GSE1: variants seen among roughly 807,000 people sequenced by gnomAD.
GSE1 encodes the protein genetic suppressor element 1.
In GSE1, 32 loss-of-function variants were observed where a neutral mutation model predicts 112.6. The observed-to-expected ratio is 0.28, with a 90% CI of 0.21 to 0.38. The LOEUF (loss-of-function observed/expected upper bound fraction) is 0.38, where lower values mean the gene tolerates loss of function less well. Among genes scored for constraint, GSE1 ranks in the 10% least tolerant of loss-of-function variants. The pLI, the probability that GSE1 is intolerant of heterozygous loss-of-function variation, is 1.00. For missense variants in GSE1, 2,348 were observed against 1,699.2 expected, an observed-to-expected ratio of 1.38 and a Z score of -6.71; for synonymous variants, 1,115 against 735.6, an observed-to-expected ratio of 1.52 and a Z score of -8.35.
In GSE1 at chr16:85,666,218, C is replaced by A; in HGVS notation, c.3001C>A (p.Pro1001Thr). 6.2e-7 allele frequency: 1 copy of A among 1,613,738 alleles called. No homozygotes were observed. Among genetic ancestry groups the A allele is most frequent in the Non-Finnish European group, 8.5e-7 (1 of 1,180,052 alleles). The change falls in exon 13 of 16, where the codon CCT becomes ACT. Residue 1001 changes from proline (P) to threonine (T), a missense_variant. Physicochemically the swap from Pro to Thr is conservative, Grantham distance 38. Transcript: ENST00000253458. Reference sequence around the variant, plus strand: ...CCGGGGCGCTGCACCCAAGGACATTCCTGTGCCGCTGTCCCACAGCACCAA... The same window carrying A: ...CCGGGGCGCTGCACCCAAGGACATTACTGTGCCGCTGTCCCACAGCACCAA... ...YIRGAAPKDIPVPLSHSTNGK... is the reference protein window; with the variant it reads ...YIRGAAPKDITVPLSHSTNGK...
chr16:85,670,472 T>C (rs1464226273), intron 14 of GSE1, among the ~76,000 whole-genome samples: 1 of 152,226 alleles, frequency 6.6e-6, no homozygotes, highest in South Asian at 2.1e-4. Flanking sequence ...GACTCTAGTT[T>C]TATTGTACTT....
chr16:85,170,510 G>A (rs1402939421), exon 1 of GSE1: 2 of 985,736 alleles, frequency 2.0e-6, no homozygotes, highest in Non-Finnish European at 2.4e-6. Flanking sequence ...ATCACCAGTG[G>A]GGAAGAGGAC....
intron 1 of GSE1, among the ~76,000 whole-genome samples, chr16:85,275,072 G>A (rs1206064016): frequency 6.6e-6 from 1 of 152,208 alleles, no homozygotes; most frequent in African/African-American, 2.4e-5. Flanking sequence ...ATGCTGTTCT[G>A]CTGTGGCTGG....
chr16:85,443,286 A>T (rs1185409134), intron 2 of GSE1, among the ~76,000 whole-genome samples: 1 of 152,110 alleles, frequency 6.6e-6, no homozygotes, highest in Non-Finnish European at 1.5e-5. Context: ...CTCCAGGCCC[A>T]TCTCGCCCGT....
At chr16:85,616,744 A>G (rs1199558258) in intron 1 of GSE1, among the ~76,000 whole-genome samples, 1 of 151,480 alleles carries the variant, frequency 6.6e-6, no homozygotes, top group Non-Finnish European at 1.5e-5. Flanking sequence ...GCGGTGTGGG[A>G]CGCCGTGCTG....
At chr16:85,170,377 C>G in exon 1 of GSE1, 1 of 985,492 alleles carries the variant, frequency 1.0e-6, no homozygotes. Context: ...CCCTCTTGTC[C>G]AAGAGGCCCC....
intron 2 of GSE1, among the ~76,000 whole-genome samples, chr16:85,496,525 G>A (rs935102729): frequency 1.2e-4 from 18 of 152,232 alleles, no homozygotes; most frequent in Non-Finnish European, 4.4e-5. Flanking sequence ...TGTCTGCGGA[G>A]TGGCAGCCAG....
chr16:85,653,864 C>T (rs545068921), intron 3 of GSE1, among the ~76,000 whole-genome samples: 12 of 152,324 alleles, frequency 7.9e-5, no homozygotes, highest in South Asian at 2.1e-4. Flanking sequence ...ACTCGCTTCA[C>T]GGCGTGCTGG....
At chr16:85,588,346 C>T (rs1159208916) in intron 1 of GSE1, among the ~76,000 whole-genome samples, 1 of 152,220 alleles carries the variant, frequency 6.6e-6, no homozygotes, top group Non-Finnish European at 1.5e-5. Flanking sequence ...TGACTGGCCC[C>T]CCCTTCCCCG....
intron 1 of GSE1, among the ~76,000 whole-genome samples, chr16:85,197,949 C>T (rs2074959495): frequency 6.6e-6 from 1 of 152,160 alleles, no homozygotes; most frequent in Non-Finnish European, 1.5e-5. Context: ...GGTGAGCACG[C>T]AGGGCAATTC....
At chr16:85,420,392 C>G (rs2048808617) in intron 2 of GSE1, among the ~76,000 whole-genome samples, 1 of 152,120 alleles carries the variant, frequency 6.6e-6, no homozygotes, top group South Asian at 2.1e-4. Flanking sequence ...GTTTGTAGCT[C>G]TGGCAGCCCT....
intron 2 of GSE1, among the ~76,000 whole-genome samples, chr16:85,421,834 G>A (rs1474999567): frequency 6.6e-6 from 1 of 152,084 alleles, no homozygotes. Context: ...GTATTTTTGG[G>A]GGGAATGGCT....
chr16:85,657,722 C>T (rs1167889034), intron 8 of GSE1, 118 bp downstream of exon 8: 1 of 657,434 alleles, frequency 1.5e-6, no homozygotes. Flanking sequence ...CTGCCTCTTT[C>T]ATTTCTGTTC....
At chr16:85,440,174 C>T (rs1477818642) in intron 2 of GSE1, among the ~76,000 whole-genome samples, 3 of 152,186 alleles carry the variant, frequency 2.0e-5, no homozygotes, top group Admixed American at 1.3e-4. Context: ...TGGCTCGAAC[C>T]GTGTCTTGAC....
intron 2 of GSE1, among the ~76,000 whole-genome samples, chr16:85,383,165 C>T (rs1438227102): frequency 1.3e-5 from 2 of 152,000 alleles, no homozygotes; most frequent in Admixed American, 6.5e-5. Flanking sequence ...CAGTAGACAC[C>T]TGGGTACACA....
In GSE1 at chr16:85,663,112, C is replaced by G; in HGVS notation, c.2373+19C>G. 6.6e-7 allele frequency: 1 copy of G among 1,505,528 alleles called. No homozygotes were observed. The highest frequency in any genetic ancestry group is 1.4e-5 in the African/African-American group (1 of 73,018). The allele number at this position is 1,505,528 out of a possible 1,614,324, so 93.3% of individuals were successfully genotyped here. On this transcript the variant is annotated intron_variant, in intron 10 of 15. Coordinates refer to ENST00000253458, the MANE Select transcript of GSE1 (RefSeq NM_014615.5). ...CTCTGAGGTACTGGGCTCTCCTCCCCACGGACATGCTCTGGGCTGGGCTCT... is the reference window on the plus strand; with the variant it reads ...CTCTGAGGTACTGGGCTCTCCTCCCGACGGACATGCTCTGGGCTGGGCTCT...
chr16:85,267,155 C>G (rs1469545195), intron 1 of GSE1, among the ~76,000 whole-genome samples: 1 of 152,182 alleles, frequency 6.6e-6, no homozygotes, highest in African/African-American at 2.4e-5. Context: ...ATCGGAGCAG[C>G]GGCGGTGGCT....
chr16:85,263,096 C>T (rs1253117369), intron 1 of GSE1, among the ~76,000 whole-genome samples: 6 of 152,104 alleles, frequency 3.9e-5, no homozygotes, highest in Non-Finnish European at 7.3e-5. Context: ...TAATTAGCGA[C>T]GCGTAGTGAT....
Position 85,671,077 on chromosome 16 carries a change from G to C in GSE1, c.3498G>C (p.Glu1166Asp), listed in dbSNP as rs779350605. 1.1e-5 allele frequency: 17 copies of C among 1,606,872 alleles called. No individual in the cohort carries two copies. Among genetic ancestry groups the C allele is most frequent in the Admixed American group, 1.0e-4 (6 of 59,960 alleles). ...ARHYSLSLTA[E>D]QLSHSVAELR... ...ACTACAGCCTCAGCCTGACGGCAGAGCAGCTCTCCCACAGCGTGGCGGTGA... is the reference window on the plus strand; with the variant it reads ...ACTACAGCCTCAGCCTGACGGCAGACCAGCTCTCCCACAGCGTGGCGGTGA... The change falls in exon 15 of 16, where the codon GAG (glutamate) becomes GAC (aspartate). Residue 1166 changes from glutamate (E) to aspartate (D), a missense_variant. By Grantham distance (45) the Glu-to-Asp change is conservative. Coordinates refer to ENST00000253458, the MANE Select transcript of GSE1 (RefSeq NM_014615.5).
Sources: gnomAD v4.1 joint callset for allele counts (sites outside exome capture counted in the v4.1 genomes callset) on GRCh38, gnomAD v4.1.1 for gene constraint, MANE v1.5 for transcripts, NCBI Gene and HGNC (gene_info 2026-07-23, HGNC 2026-07-21) for gene names.